The following SKAP2 variants were observed in gnomAD, a reference collection of about 807,000 sequenced individuals.
The protein encoded by SKAP2 is src kinase-associated phosphoprotein 2.
SKAP2 carries 28 observed loss-of-function variants against 54.9 expected under a neutral mutation model. That is an observed-to-expected ratio of 0.51 (90% CI 0.38 to 0.70). SKAP2 has a LOEUF of 0.70. SKAP2 is among the 30% of genes least tolerant of loss of function. The pLI, the probability that SKAP2 is intolerant of heterozygous loss-of-function variation, is 0.00. For missense variants in SKAP2, 356 were observed against 424.1 expected (o/e 0.84, Z 1.41); for synonymous variants, 137 against 134.3 (o/e 1.02, Z -0.14).
At chr7:26,743,135 A>G (rs1329185386) in intron 4 of SKAP2, among the ~76,000 whole-genome samples, 1 of 152,182 alleles carries the variant, frequency 6.6e-6, no homozygotes, top group African/African-American at 2.4e-5. Context: ...GGAACAGTCA[A>G]TTATACAACA....
At chr7:26,784,143 T>A (rs1400354068) in intron 4 of SKAP2, among the ~76,000 whole-genome samples, 1 of 151,558 alleles carries the variant, frequency 6.6e-6, no homozygotes, top group African/African-American at 2.4e-5. Context: ...AAAAAAATTA[T>A]GTAAACGAGT....
At chr7:26,745,060 G>A (rs1318708856) in intron 4 of SKAP2, among the ~76,000 whole-genome samples, 7 of 151,836 alleles carry the variant, frequency 4.6e-5, no homozygotes, top group Admixed American at 2.6e-4. Flanking sequence ...GCAAAATTAC[G>A]ACTAGGTTTC....
intron 4 of SKAP2, among the ~76,000 whole-genome samples, chr7:26,747,484 T>C (rs574101231): frequency 6.6e-6 from 1 of 152,234 alleles, no homozygotes; most frequent in Admixed American, 6.5e-5. Context: ...AGTGGCCATT[T>C]TGAAGGCTAC....
chr7:26,757,069 T>G (rs1782811215), intron 4 of SKAP2, among the ~76,000 whole-genome samples: 1 of 152,242 alleles, frequency 6.6e-6, no homozygotes, highest in African/African-American at 2.4e-5. Flanking sequence ...ATTCTGGATA[T>G]TAGCCCTTTG....
At chr7:26,863,437 T>C (rs965957391) in intron 1 of SKAP2, among the ~76,000 whole-genome samples, 13 of 152,110 alleles carry the variant, frequency 8.5e-5, no homozygotes, top group African/African-American at 3.1e-4. Context: ...CAAGACAAAA[T>C]AAATGATGGT....
At chr7:26,726,274 G>A (rs1431217210) in intron 7 of SKAP2, among the ~76,000 whole-genome samples, 2 of 152,086 alleles carry the variant, frequency 1.3e-5, no homozygotes, top group Non-Finnish European at 2.9e-5. Flanking sequence ...ATTTGCCCTT[G>A]ACAATTAGAA....
In SKAP2 at chr7:26,760,155, T is replaced by C. The variant is rs1782893597; in HGVS notation, c.308-20191A>G. Among the ~76,000 whole-genome samples the C allele has an allele frequency of 2.0e-5, 3 of 152,198 alleles. No homozygotes were observed. The South Asian group carries it at 6.2e-4, about 32-fold the overall frequency. The stretch of plus-strand genomic sequence containing the variant: ...ACTTAAAGATCCAACATAAATTTCC[T>C]TAACAGAGTTATTTCAGTTCACATA... On this transcript the variant is annotated intron_variant, in intron 4 of 12. Transcript: ENST00000345317.
At chr7:26,836,389 C>G (rs1784712334) in intron 4 of SKAP2, among the ~76,000 whole-genome samples, 1 of 152,168 alleles carries the variant, frequency 6.6e-6, no homozygotes, top group South Asian at 2.1e-4. Context: ...AAGAAACTAT[C>G]ATCAGAGTGA....
intron 4 of SKAP2, among the ~76,000 whole-genome samples, chr7:26,831,252 T>A (rs924928327): frequency 6.6e-6 from 1 of 152,158 alleles, no homozygotes; most frequent in Admixed American, 6.5e-5. Context: ...TATTCTTACA[T>A]GCTCATTACT....
At chr7:26,736,080 A>C (rs910636431) in intron 6 of SKAP2, among the ~76,000 whole-genome samples, 1 of 152,256 alleles carries the variant, frequency 6.6e-6, no homozygotes, top group African/African-American at 2.4e-5. Context: ...TTTAAAGTGG[A>C]AGTGTCAGAG....
intron 4 of SKAP2, among the ~76,000 whole-genome samples, chr7:26,816,621 T>A (rs1188378398): frequency 2.6e-5 from 4 of 152,116 alleles, no homozygotes; most frequent in African/African-American, 9.7e-5. Context: ...AATATAAGTA[T>A]GTGTTGATGC....
chr7:26,824,183 T>C (rs1016807317), intron 4 of SKAP2, among the ~76,000 whole-genome samples: 45 of 152,244 alleles, frequency 3.0e-4, no homozygotes, highest in African/African-American at 1.0e-3. Context: ...CCATCCACAT[T>C]GAGACGAGAC....
At chr7:26,807,214 T>C (rs1784047079) in intron 4 of SKAP2, among the ~76,000 whole-genome samples, 1 of 152,210 alleles carries the variant, frequency 6.6e-6, no homozygotes, top group African/African-American at 2.4e-5. Flanking sequence ...ATTTAGGCGA[T>C]ACAGCAGTGG....
intron 4 of SKAP2, among the ~76,000 whole-genome samples, chr7:26,796,177 T>A (rs1213823994): frequency 6.6e-6 from 1 of 152,182 alleles, no homozygotes; most frequent in East Asian, 1.9e-4. Context: ...CTACGAAAAG[T>A]CAACACAAAT....
At chr7:26,777,686 T>C (rs533741896) in intron 4 of SKAP2, among the ~76,000 whole-genome samples, 1 of 152,190 alleles carries the variant, frequency 6.6e-6, no homozygotes. Flanking sequence ...TTTACATACA[T>C]AAACAGAAGA....
At position 26,766,123 on chromosome 7, in the gene SKAP2, T is replaced by C. The variant is rs111386039; in HGVS notation, c.308-26159A>G. ...CATGAGCATGGAATGTTTTTCCATT[T>C]GTTTGTGTCCTGTCTTATTTCCTTG... On this transcript the variant is annotated intron_variant, in intron 4 of 12. Transcript: ENST00000345317. Among the ~76,000 whole-genome samples, 284 of 152,352 alleles carry C rather than the reference T, an allele frequency of 1.9e-3. 2 individuals are homozygous for C. Among genetic ancestry groups the C allele is most frequent in the African/African-American group, 6.5e-3 (269 of 41,578 alleles).
At chr7:26,810,620 A>C (rs1784122276) in intron 4 of SKAP2, among the ~76,000 whole-genome samples, 4 of 152,214 alleles carry the variant, frequency 2.6e-5, no homozygotes, top group Admixed American at 2.6e-4. Flanking sequence ...TGATTTAGCC[A>C]TTCTAAAATG....
intron 9 of SKAP2, among the ~76,000 whole-genome samples, chr7:26,702,742 G>T (rs1271103352): frequency 6.6e-6 from 1 of 152,134 alleles, no homozygotes; most frequent in Non-Finnish European, 1.5e-5. Flanking sequence ...GAATGAAAGG[G>T]ATCAAGCACA....
intron 4 of SKAP2, among the ~76,000 whole-genome samples, chr7:26,783,706 T>C (rs1783473562): frequency 6.6e-6 from 1 of 151,990 alleles, no homozygotes; most frequent in South Asian, 2.1e-4. Flanking sequence ...ATCATGTTGG[T>C]TGCTAAAGGG....
Sources: allele counts gnomAD v4.1 joint callset (sites outside exome capture counted in the v4.1 genomes callset), GRCh38; gene constraint gnomAD v4.1.1; transcripts MANE v1.5; gene names NCBI Gene and HGNC (gene_info 2026-07-23, HGNC 2026-07-21).